The following TENM4 variants were observed in gnomAD, a reference collection of about 807,000 sequenced individuals.
The protein encoded by TENM4 is teneurin transmembrane protein 4, also known as teneurin-4.
A neutral mutation model predicts 243.3 loss-of-function variants in TENM4; 82 were observed. That is an observed-to-expected ratio of 0.34 (90% CI 0.28 to 0.40). The LOEUF (loss-of-function observed/expected upper bound fraction) is 0.40, where lower values mean the gene tolerates loss of function less well. Among genes scored for constraint, TENM4 ranks in the 10% least tolerant of loss-of-function variants. TENM4 has a pLI of 1.00. For missense variants in TENM4, 3,138 were observed against 3,673.3 expected, an observed-to-expected ratio of 0.85 and a Z score of 3.77; for synonymous variants, 1,412 against 1,456.3, an observed-to-expected ratio of 0.97 and a Z score of 0.69.
intron 10 of TENM4, among the ~76,000 whole-genome samples, chr11:78,860,585 G>A (rs1858793887): frequency 6.6e-6 from 1 of 152,162 alleles, no homozygotes; most frequent in Admixed American, 6.5e-5. Context: ...ATATATCTAG[G>A]GGAATGCATT....
chr11:78,775,660 C>A (rs1856726814), intron 17 of TENM4, among the ~76,000 whole-genome samples: 1 of 152,168 alleles, frequency 6.6e-6, no homozygotes, highest in South Asian at 2.1e-4. Context: ...AAGCAATATG[C>A]CCGTCCTTAC....
intron 1 of TENM4, among the ~76,000 whole-genome samples, chr11:79,364,579 C>A (rs1412551956): frequency 1.3e-5 from 2 of 152,144 alleles, no homozygotes; most frequent in Non-Finnish European, 2.9e-5. Flanking sequence ...TATTATTTAA[C>A]AATGAAAACA....
At chr11:78,885,278 T>G (rs770773582) in intron 9 of TENM4, among the ~76,000 whole-genome samples, 18 of 152,200 alleles carry the variant, frequency 1.2e-4, no homozygotes, top group Non-Finnish European at 2.5e-4. Context: ...AACAAGGACC[T>G]GAGAACTGTA....
chr11:79,322,249 A>G (rs553109783), intron 1 of TENM4, among the ~76,000 whole-genome samples: 2 of 152,284 alleles, frequency 1.3e-5, no homozygotes, highest in African/African-American at 2.4e-5. Flanking sequence ...CTCTTTCCCT[A>G]TGAGGAATGG....
At chr11:78,950,340 G>T (rs1326235660) in intron 6 of TENM4, among the ~76,000 whole-genome samples, 1 of 152,132 alleles carries the variant, frequency 6.6e-6, no homozygotes, top group Non-Finnish European at 1.5e-5. Flanking sequence ...CCCAAAATGT[G>T]CATGCAGCTT....
chr11:78,786,773 A>G, intron 16 of TENM4, 125 bp downstream of exon 16: 1 of 1,345,110 alleles, frequency 7.4e-7, no homozygotes, highest in South Asian at 1.4e-5. Flanking sequence ...TAATACCTCC[A>G]GATGAAAGGA....
chr11:78,863,037 T>C lies in TENM4; in HGVS notation c.1180A>G (p.Thr394Ala). 1 of 1,537,098 alleles carries C rather than the reference T, an allele frequency of 6.5e-7. No homozygotes were observed. Among genetic ancestry groups the C allele is most frequent in the Non-Finnish European group, 8.8e-7 (1 of 1,135,766 alleles). Residue 394 changes from threonine to alanine, a missense_variant, in exon 10 of 34, where the codon ACC becomes GCC. By Grantham distance (58) the Thr-to-Ala change is moderately conservative. This residue lies in a region of TENM4 where 671 missense variants were observed against 614.1 expected (regional missense o/e 1.09). Transcript: ENST00000278550. ...EDTASSWPVP[T>A]DVSLYPSGGT... Reference sequence around the variant, plus strand: ...CCTGAGGGGTATAGGGAGACGTCGGTTGGCACAGGCCAACTGCTGGCTGTG... The same window carrying C: ...CCTGAGGGGTATAGGGAGACGTCGGCTGGCACAGGCCAACTGCTGGCTGTG...
chr11:79,430,226 T>C (rs1334917859), intron 1 of TENM4, among the ~76,000 whole-genome samples: 2 of 150,434 alleles, frequency 1.3e-5, no homozygotes, highest in Non-Finnish European at 3.0e-5. Flanking sequence ...AAAAGGAATG[T>C]CTGCTTTATT....
chr11:78,793,135 A>T (rs1014965632), intron 15 of TENM4, among the ~76,000 whole-genome samples: 8 of 152,212 alleles, frequency 5.3e-5, no homozygotes, highest in Non-Finnish European at 1.0e-4. Context: ...GACTTACTTT[A>T]CAATCCTGTT....
chr11:79,197,355 A>T (rs77779963), intron 3 of TENM4, among the ~76,000 whole-genome samples: 12 of 145,156 alleles, frequency 8.3e-5, no homozygotes, highest in African/African-American at 2.7e-4. Flanking sequence ...TTTTTTTTTA[A>T]AAAGCCCCTG....
At chr11:78,790,576 G>A (rs991481828) in intron 15 of TENM4, among the ~76,000 whole-genome samples, 1 of 152,190 alleles carries the variant, frequency 6.6e-6, no homozygotes, top group Admixed American at 6.5e-5. Flanking sequence ...TTAGTGGTGT[G>A]GGTACTGAGG....
intron 2 of TENM4, among the ~76,000 whole-genome samples, chr11:79,291,270 TTGATCACTGGTA>T (rs1318152815): frequency 1.3e-5 from 2 of 152,174 alleles, no homozygotes; most frequent in African/African-American, 4.8e-5. Flanking sequence ...GGCTTGAAGG[TTGATCACTGGTA>T]TGATGTGCCT....
intron 2 of TENM4, among the ~76,000 whole-genome samples, chr11:79,253,300 A>G (rs1283275618): frequency 2.6e-5 from 4 of 152,272 alleles, no homozygotes; most frequent in South Asian, 4.1e-4. Context: ...AAACTCATCA[A>G]TGTTCCCAAA....
At chr11:78,952,198 T>C (rs1396333668) in intron 6 of TENM4, among the ~76,000 whole-genome samples, 1 of 152,242 alleles carries the variant, frequency 6.6e-6, no homozygotes, top group Non-Finnish European at 1.5e-5. Flanking sequence ...TCATTTTTCC[T>C]CCATATCACT....
At chr11:78,990,026 C>T (rs951031544) in intron 6 of TENM4, among the ~76,000 whole-genome samples, 1 of 150,736 alleles carries the variant, frequency 6.6e-6, no homozygotes, top group Non-Finnish European at 1.5e-5. Flanking sequence ...ATTGCACCAC[C>T]ATACTCCAGC....
intron 6 of TENM4, among the ~76,000 whole-genome samples, chr11:78,944,998 T>C (rs1856979986): frequency 6.6e-6 from 1 of 152,210 alleles, no homozygotes; most frequent in Non-Finnish European, 1.5e-5. Flanking sequence ...ATTTTCCACA[T>C]TATTTCTCTT....
chr11:79,296,807 T>A (rs560433779), intron 2 of TENM4, among the ~76,000 whole-genome samples: 111 of 152,250 alleles, frequency 7.3e-4, no homozygotes, highest in African/African-American at 2.5e-3. Flanking sequence ...GTGGGAAAGA[T>A]CACAAAGTAC....
At chr11:79,261,261 G>A (rs2135324799) in intron 2 of TENM4, among the ~76,000 whole-genome samples, 1 of 152,268 alleles carries the variant, frequency 6.6e-6, no homozygotes, top group Middle Eastern at 3.4e-3. Context: ...CAGAAAAACT[G>A]AGCTGAACTA....
chr11:78,790,995 C>T (rs1303930292), intron 15 of TENM4, among the ~76,000 whole-genome samples: 1 of 152,184 alleles, frequency 6.6e-6, no homozygotes, highest in Non-Finnish European at 1.5e-5. Flanking sequence ...GTTAAAGTGG[C>T]CTGGTGACTG....
Sources: gnomAD v4.1 joint callset for allele counts (sites outside exome capture counted in the v4.1 genomes callset) on GRCh38, gnomAD v4.1.1 for gene constraint, gnomAD v4.1.1 regional missense constraint, MANE v1.5 for transcripts, NCBI Gene and HGNC (gene_info 2026-07-23, HGNC 2026-07-21) for gene names.